The following CACNA2D3 variants were observed in gnomAD, a reference collection of about 807,000 sequenced individuals.
CACNA2D3 encodes voltage-dependent calcium channel subunit alpha-2/delta-3.
Under a neutral mutation model 160.6 loss-of-function variants are expected in CACNA2D3, and 60 were observed. That is an observed-to-expected ratio of 0.37 (90% CI 0.30 to 0.46). The LOEUF is 0.46. CACNA2D3 is among the 20% of genes least tolerant of loss of function. CACNA2D3 has a pLI of 1.00. For missense variants in CACNA2D3, 1,205 were observed against 1,365.0 expected (o/e 0.88, Z 1.85); for synonymous variants, 558 against 492.9 (o/e 1.13, Z -1.75).
chr3:54,335,110 A>T (rs145263348), intron 3 of CACNA2D3, among the ~76,000 whole-genome samples: 54 of 152,354 alleles, frequency 3.5e-4, no homozygotes, highest in African/African-American at 1.2e-3. Context: ...TATTAATATA[A>T]TCATACAGAA....
At chr3:54,510,432 T>C (rs1000305706) in intron 5 of CACNA2D3, among the ~76,000 whole-genome samples, 1 of 152,210 alleles carries the variant, frequency 6.6e-6, no homozygotes, top group African/African-American at 2.4e-5. Flanking sequence ...TAGAGTCAGG[T>C]CCAGGGAAGT....
chr3:54,830,286 A>G (rs541658824), intron 14 of CACNA2D3, among the ~76,000 whole-genome samples: 23 of 151,568 alleles, frequency 1.5e-4, no homozygotes, highest in African/African-American at 5.1e-4. Flanking sequence ...TCTTTTCATA[A>G]TGTCTCGTCT....
At chr3:54,218,195 G>C (rs1181551888) in intron 2 of CACNA2D3, among the ~76,000 whole-genome samples, 1 of 152,134 alleles carries the variant, frequency 6.6e-6, no homozygotes, top group South Asian at 2.1e-4. Context: ...CTTCAACCAG[G>C]CCTGGCTTAA....
intron 13 of CACNA2D3, among the ~76,000 whole-genome samples, chr3:54,799,453 T>G (rs967094060): frequency 5.9e-5 from 9 of 152,156 alleles, no homozygotes; most frequent in African/African-American, 2.2e-4. Flanking sequence ...GGAAGTTCTT[T>G]CTGTTTGTCA....
chr3:54,556,243 G>A (rs536223923), intron 5 of CACNA2D3, among the ~76,000 whole-genome samples: 35 of 152,254 alleles, frequency 2.3e-4, no homozygotes, highest in East Asian at 7.7e-4. Flanking sequence ...AGATGAGATC[G>A]TCCCAAATTT....
chr3:54,590,522 T>C (rs1191802859), intron 9 of CACNA2D3, among the ~76,000 whole-genome samples: 1 of 152,172 alleles, frequency 6.6e-6, no homozygotes, highest in African/African-American at 2.4e-5. Context: ...TCAATGTCAG[T>C]ATCCCTTGTG....
intron 4 of CACNA2D3, among the ~76,000 whole-genome samples, chr3:54,438,807 T>C (rs559605979): frequency 3.3e-5 from 5 of 152,354 alleles, no homozygotes; most frequent in African/African-American, 1.2e-4. Flanking sequence ...TTACAAATGA[T>C]GTACTTGATC....
At chr3:54,489,586 A>G (rs2106917146) in intron 4 of CACNA2D3, among the ~76,000 whole-genome samples, 1 of 152,340 alleles carries the variant, frequency 6.6e-6, no homozygotes, top group African/African-American at 2.4e-5. Flanking sequence ...TTATAAACTC[A>G]TTTTATAGAT....
intron 12 of CACNA2D3, among the ~76,000 whole-genome samples, chr3:54,757,640 G>A (rs1323606570): frequency 6.6e-6 from 1 of 152,188 alleles, no homozygotes; most frequent in African/African-American, 2.4e-5. Flanking sequence ...GAATGAAGAT[G>A]GTGATGCTTG....
intron 3 of CACNA2D3, among the ~76,000 whole-genome samples, chr3:54,324,555 G>A (rs1426055970): frequency 1.3e-5 from 2 of 152,010 alleles, no homozygotes; most frequent in East Asian, 3.9e-4. Context: ...TGCCATTGGT[G>A]GTTTAAGTAA....
rs77543516 is a variant in CACNA2D3 at position 55,024,112 on chromosome 3, A to G, written c.2987+5795A>G. On this transcript the variant is annotated intron_variant, in intron 35 of 37. Transcript: ENST00000474759. The stretch of plus-strand genomic sequence containing the variant: ...CCACCACAAGAAAGTACTGAAGTGT[A>G]CGGTTCATGCAGGAGCCTTGGAAGC... 1.8e-3 allele frequency among the ~76,000 whole-genome samples: 236 copies of G among 134,122 alleles called. 6 individuals carry two copies. The East Asian group carries it at 0.04, about 23-fold the overall frequency. The allele number at this position is 134,122 out of a possible 152,430, so 88.0% of individuals were successfully genotyped here.
chr3:54,466,681 C>G (rs1456720386), intron 4 of CACNA2D3, among the ~76,000 whole-genome samples: 2 of 152,150 alleles, frequency 1.3e-5, no homozygotes, highest in African/African-American at 4.8e-5. Context: ...CTTAGTATGA[C>G]TGATATAAAA....
chr3:54,896,216 G>A (rs1179727281), intron 25 of CACNA2D3, among the ~76,000 whole-genome samples: 1 of 152,164 alleles, frequency 6.6e-6, no homozygotes, highest in Non-Finnish European at 1.5e-5. Flanking sequence ...GCATGAGCAG[G>A]CCTGTTTGTC....
intron 13 of CACNA2D3, among the ~76,000 whole-genome samples, chr3:54,787,157 A>G (rs1702657428): frequency 1.3e-5 from 2 of 152,162 alleles, no homozygotes; most frequent in Non-Finnish European, 2.9e-5. Context: ...TTTAAAGACA[A>G]TTGCCTTGAG....
intron 3 of CACNA2D3, among the ~76,000 whole-genome samples, chr3:54,354,957 C>T (rs1217342259): frequency 6.6e-6 from 1 of 152,312 alleles, no homozygotes; most frequent in African/African-American, 2.4e-5. Flanking sequence ...CGTTTTTATT[C>T]CTTCAACAAA....
chr3:54,146,380 G>A (rs765585238), intron 2 of CACNA2D3, among the ~76,000 whole-genome samples: 13 of 152,358 alleles, frequency 8.5e-5, no homozygotes, highest in South Asian at 4.1e-4. Flanking sequence ...CACGGATAGT[G>A]GGGACAAAGG....
intron 2 of CACNA2D3, among the ~76,000 whole-genome samples, chr3:54,243,186 G>A (rs1292047146): frequency 6.6e-6 from 1 of 152,132 alleles, no homozygotes. Flanking sequence ...CTGTGTTCTT[G>A]TGGAGTCCTG....
At chr3:54,307,151 T>A (rs1575384946) in intron 2 of CACNA2D3, among the ~76,000 whole-genome samples, 1 of 152,170 alleles carries the variant, frequency 6.6e-6, no homozygotes, top group East Asian at 1.9e-4. Context: ...TTCTGGGTTC[T>A]TTTGTATTTG....
Position 55,074,011 on chromosome 3 carries a change from G to C in CACNA2D3, c.3184-103G>C, listed in dbSNP as rs146000960. 1,429 of 1,149,090 alleles carry C rather than the reference G, an allele frequency of 1.2e-3. 19 individuals carry two copies. In the African/African-American group the frequency reaches 0.02, roughly 16 times the overall value. 71.2% of individuals were successfully genotyped at this position (1,149,090 alleles called of 1,614,324 possible). Reference sequence around the variant, plus strand: ...AATCTGCACCATCATCTAGGTCCCAGAAGACTTCGTTCTTACGTTAGAGAG... The same window carrying C: ...AATCTGCACCATCATCTAGGTCCCACAAGACTTCGTTCTTACGTTAGAGAG... On this transcript the variant is annotated intron_variant, in intron 37 of 37. Coordinates refer to ENST00000474759, the MANE Select transcript of CACNA2D3 (RefSeq NM_018398.3).
Sources: allele counts gnomAD v4.1 joint callset (sites outside exome capture counted in the v4.1 genomes callset), GRCh38; gene constraint gnomAD v4.1.1; transcripts MANE v1.5; gene names NCBI Gene and HGNC (gene_info 2026-07-23, HGNC 2026-07-21).